The following CD2AP variants were observed in gnomAD, a reference collection of about 807,000 sequenced individuals.
CD2AP encodes the protein CD2 associated protein.
In CD2AP, 46 loss-of-function variants were observed where a neutral mutation model predicts 85.1. That is an observed-to-expected ratio of 0.54 (90% CI 0.43 to 0.69). CD2AP has a LOEUF of 0.69. Among genes scored for constraint, CD2AP ranks in the 30% least tolerant of loss-of-function variants. The probability of loss-of-function intolerance (pLI) is 0.00; values close to 1 mark genes in which losing one functional copy is unlikely to be tolerated. For missense variants in CD2AP, 769 were observed against 729.5 expected, an observed-to-expected ratio of 1.05 and a Z score of -0.62; for synonymous variants, 255 against 252.9, an observed-to-expected ratio of 1.01 and a Z score of -0.08.
At chr6:47,624,075 A>G (rs1769834059) in intron 17 of CD2AP, 111 bp from the exon 18 acceptor site, 2 of 892,890 alleles carry the variant, frequency 2.2e-6, no homozygotes, top group Non-Finnish European at 3.6e-6. Context: ...TTAGGTCTGG[A>G]AAAAAAGTCT....
intron 11 of CD2AP, among the ~76,000 whole-genome samples, chr6:47,595,079 A>T (rs1306117574): frequency 6.6e-6 from 1 of 152,002 alleles, no homozygotes; most frequent in Non-Finnish European, 1.5e-5. Flanking sequence ...TATCTCATGT[A>T]TGCATGTGTC....
At chr6:47,583,960 G>T (rs1278490390) in intron 11 of CD2AP, among the ~76,000 whole-genome samples, 1 of 152,162 alleles carries the variant, frequency 6.6e-6, no homozygotes, top group Non-Finnish European at 1.5e-5. Context: ...CTTTCTAATA[G>T]GTGTGTAGTG....
rs528694873 is a variant in CD2AP at position 47,493,348 on chromosome 6, G to A, written c.5-9932G>A. On this transcript the variant is annotated intron_variant, in intron 1 of 17. Coordinates refer to ENST00000359314, the MANE Select transcript of CD2AP (RefSeq NM_012120.3). Reference sequence around the variant, plus strand: ...AATTTTACTAGATACAGATTTCTAGGTTGGTGTTTTTTTTTTTTCCAATGC... The same window carrying A: ...AATTTTACTAGATACAGATTTCTAGATTGGTGTTTTTTTTTTTTCCAATGC... 1.4e-3 allele frequency among the ~76,000 whole-genome samples: 98 copies of A among 69,644 alleles called. 1 individual carries two copies. The highest frequency in any genetic ancestry group is 1.3e-3 in the Non-Finnish European group (42 of 32,640). 45.7% of individuals were successfully genotyped at this position (69,644 alleles called of 152,430 possible). A position where few individuals can be genotyped will look rare whatever the true frequency, so the allele number is the denominator to read the frequency against.
At chr6:47,541,035 C>T (rs983085208) in intron 3 of CD2AP, among the ~76,000 whole-genome samples, 13 of 152,118 alleles carry the variant, frequency 8.5e-5, no homozygotes, top group African/African-American at 1.4e-4. Context: ...AAAAATTTAC[C>T]GTGAGGTCTG....
intron 5 of CD2AP, among the ~76,000 whole-genome samples, chr6:47,560,929 T>C (rs914440040): frequency 4.6e-5 from 7 of 152,318 alleles, no homozygotes; most frequent in Admixed American, 2.0e-4. Context: ...TCATCCCTTC[T>C]ATGTGTATTA....
At chr6:47,615,904 A>G (rs564535531) in intron 17 of CD2AP, among the ~76,000 whole-genome samples, 1 of 150,434 alleles carries the variant, frequency 6.6e-6, no homozygotes, top group South Asian at 2.1e-4. Context: ...CTCGGTCTCC[A>G]GAGTAGCTAG....
chr6:47,563,141 A>G (rs1056850333), intron 5 of CD2AP: 2 of 191,020 alleles, frequency 1.0e-5, no homozygotes, highest in Non-Finnish European at 2.2e-5. Context: ...ACAAGTGAAC[A>G]TTTCTTAACC....
intron 5 of CD2AP, among the ~76,000 whole-genome samples, chr6:47,561,726 C>T (rs1281082349): frequency 1.3e-5 from 2 of 152,118 alleles, no homozygotes; most frequent in Non-Finnish European, 2.9e-5. Context: ...TTTCTAAGCC[C>T]ATTGACCATA....
chr6:47,559,545 C>T (rs1767795520), intron 5 of CD2AP, among the ~76,000 whole-genome samples: 2 of 151,984 alleles, frequency 1.3e-5, no homozygotes. Context: ...TGAGCCACCA[C>T]ATCTGGCCAA....
intron 2 of CD2AP, among the ~76,000 whole-genome samples, chr6:47,521,176 A>G (rs538429908): frequency 6.6e-5 from 10 of 152,318 alleles, no homozygotes; most frequent in South Asian, 2.1e-4. Context: ...ATGCACATCC[A>G]TAACAGTTGC....
intron 2 of CD2AP, among the ~76,000 whole-genome samples, chr6:47,520,973 A>G (rs1282776599): frequency 6.6e-5 from 10 of 151,970 alleles, no homozygotes; most frequent in Non-Finnish European, 1.0e-4. Flanking sequence ...ACTCACTGCC[A>G]TGTTGTTCCT....
At chr6:47,613,608 C>T (rs1048820070) in intron 17 of CD2AP, among the ~76,000 whole-genome samples, 1 of 151,778 alleles carries the variant, frequency 6.6e-6, no homozygotes, top group Non-Finnish European at 1.5e-5. Context: ...TTTGTTGTTC[C>T]ATTTGTAGAG....
chr6:47,581,890 A>G, intron 10 of CD2AP, 113 bp from the exon 11 acceptor site: 1 of 738,900 alleles, frequency 1.4e-6, no homozygotes, highest in Admixed American at 2.0e-5. Flanking sequence ...TTTCTATTAA[A>G]CCATGGTTTC....
Position 47,612,144 on chromosome 6 carries a change from T to C in CD2AP, c.1815-329T>C, listed in dbSNP as rs1439523933. 4.6e-5 allele frequency among the ~76,000 whole-genome samples: 7 copies of C among 152,246 alleles called. No individual in the cohort carries two copies. In the East Asian group the frequency reaches 1.4e-3, roughly 29 times the overall value. On this transcript the variant is annotated intron_variant, in intron 16 of 17. Transcript: ENST00000359314. ...TTGATATTCATTTTACCAAATTGCT[T>C]GGGCTTTCAGTTTTCCAACCTGGAA...
At chr6:47,516,169 G>A (rs539133175) in intron 2 of CD2AP, among the ~76,000 whole-genome samples, 5 of 152,290 alleles carry the variant, frequency 3.3e-5, no homozygotes, top group South Asian at 2.1e-4. Context: ...CAGTGGTGGC[G>A]TAGCACAAGG....
intron 17 of CD2AP, among the ~76,000 whole-genome samples, chr6:47,615,682 G>T (rs1373111899): frequency 1.3e-5 from 2 of 151,952 alleles, no homozygotes; most frequent in Admixed American, 6.5e-5. Context: ...CAACACTGGG[G>T]ATTACTTTTA....
At chr6:47,558,551 A>C (rs574068410) in intron 5 of CD2AP, among the ~76,000 whole-genome samples, 1 of 152,310 alleles carries the variant, frequency 6.6e-6, no homozygotes, top group South Asian at 2.1e-4. Context: ...AATTTTATCG[A>C]AGGCCTTTTC....
intron 1 of CD2AP, among the ~76,000 whole-genome samples, chr6:47,495,172 G>C (rs1022067647): frequency 3.3e-5 from 5 of 152,066 alleles, no homozygotes; most frequent in Non-Finnish European, 7.4e-5. Flanking sequence ...CAAAAAGAGA[G>C]AGAGAAATAG....
chr6:47,491,336 C>T (rs920920531), intron 1 of CD2AP, among the ~76,000 whole-genome samples: 1 of 149,646 alleles, frequency 6.7e-6, no homozygotes, highest in Non-Finnish European at 1.5e-5. Context: ...TAAGTGGAAC[C>T]ATTAAAGTAT....
Sources: allele counts gnomAD v4.1 joint callset (sites outside exome capture counted in the v4.1 genomes callset), GRCh38; gene constraint gnomAD v4.1.1; transcripts MANE v1.5; gene names NCBI Gene and HGNC (gene_info 2026-07-23, HGNC 2026-07-21).